Variants in MCC observed in about 807,000 individuals in gnomAD.
The protein encoded by MCC is MCC regulator of Wnt signaling pathway, also known as colorectal mutant cancer protein.
MCC carries 90 observed loss-of-function variants against 116.2 expected under a neutral mutation model. That is an observed-to-expected ratio of 0.77 (90% CI 0.65 to 0.92). MCC has a LOEUF of 0.92. Among genes scored for constraint, MCC ranks in the 40% least tolerant of loss-of-function variants. The pLI, the probability that MCC is intolerant of heterozygous loss-of-function variation, is 0.00. For missense variants in MCC, 1,516 were observed against 1,312.2 expected, an observed-to-expected ratio of 1.16 and a Z score of -2.40; for synonymous variants, 578 against 510.5, an observed-to-expected ratio of 1.13 and a Z score of -1.78.
At chr5:113,117,094 C>A (rs1757440245) in intron 6 of MCC, among the ~76,000 whole-genome samples, 1 of 152,224 alleles carries the variant, frequency 6.6e-6, no homozygotes, top group Non-Finnish European at 1.5e-5. Flanking sequence ...TGAGTATTCT[C>A]CAGACAGCTT....
chr5:113,178,851 A>G (rs1761467357), intron 3 of MCC, among the ~76,000 whole-genome samples: 1 of 152,184 alleles, frequency 6.6e-6, no homozygotes, highest in South Asian at 2.1e-4. Context: ...TCTTCCTGCA[A>G]ACACAGAGCT....
chr5:113,089,294 C>G lies in MCC; in HGVS notation c.1399-3984G>C, dbSNP rs577887246. ...CTAGAACTCAATCTTGAAGGCTGAA[C>G]TGTTCAACAAGCAAATAAAGAGGAA... On this transcript the variant is annotated intron_variant, in intron 8 of 18. Coordinates refer to ENST00000408903, the MANE Select transcript of MCC (RefSeq NM_001085377.2). 2.6e-5 allele frequency among the ~76,000 whole-genome samples: 4 copies of G among 152,308 alleles called. No individual in the cohort carries two copies. In the South Asian group the frequency reaches 6.2e-4, roughly 24 times the overall value.
intron 5 of MCC, among the ~76,000 whole-genome samples, chr5:113,124,419 A>T (rs1389663407): frequency 6.6e-6 from 1 of 152,220 alleles, no homozygotes; most frequent in Non-Finnish European, 1.5e-5. Flanking sequence ...CCTTTGTTGC[A>T]TGGCCAACGT....
Position 113,477,467 on chromosome 5 carries a change from A to T in MCC, c.170+10778T>A, listed in dbSNP as rs56132396. ...TGAAATAATGATTTTCAGACATCAT[A>T]TAACAGCATAAGAATACAATCCATG... On this transcript the variant is annotated intron_variant, in intron 1 of 18. Coordinates refer to ENST00000408903, the MANE Select transcript of MCC (RefSeq NM_001085377.2). 6.2e-3 allele frequency among the ~76,000 whole-genome samples: 945 copies of T among 152,322 alleles called. 11 individuals carry two copies. Among genetic ancestry groups the T allele is most frequent in the African/African-American group, 0.022 (912 of 41,562 alleles).
At position 113,385,038 on chromosome 5, in the gene MCC, T is replaced by C; in HGVS notation, c.345A>G (p.Ser115=). The change falls in exon 2 of 19, where the codon TCA becomes TCG. Residue 115 remains serine, a synonymous_variant. Transcript: ENST00000408903. The part of the protein sequence containing the change: ...RKEEVDLSAK[S]DNSCTKKLRD... The stretch of plus-strand genomic sequence containing the variant: ...TCAGCTTCTTTGTACAGGAGTTGTC[T>C]GACTTTGCAGAAAGATCTACTTCCT... 1 of 1,614,254 alleles carries C rather than the reference T, an allele frequency of 6.2e-7. No homozygotes were observed. Among genetic ancestry groups the C allele is most frequent in the African/African-American group, 1.3e-5 (1 of 75,082 alleles).
At chr5:113,082,377 T>A (rs374275717) in intron 11 of MCC, among the ~76,000 whole-genome samples, 16 of 152,354 alleles carry the variant, frequency 1.1e-4, no homozygotes, top group Admixed American at 7.8e-4. Flanking sequence ...TTGCCTGTGC[T>A]GTTTCCAGTA....
intron 6 of MCC, among the ~76,000 whole-genome samples, chr5:113,111,905 C>T (rs1757121197): frequency 6.6e-6 from 1 of 152,214 alleles, no homozygotes; most frequent in Non-Finnish European, 1.5e-5. Flanking sequence ...TCAGGATCAG[C>T]TATGCCTATG....
intron 3 of MCC, among the ~76,000 whole-genome samples, chr5:113,263,086 A>C (rs1166048882): frequency 6.6e-6 from 1 of 152,128 alleles, no homozygotes; most frequent in Non-Finnish European, 1.5e-5. Context: ...ATAAGAAACC[A>C]AAAGTCCTCA....
At chr5:113,200,707 T>C (rs151295233) in intron 3 of MCC, among the ~76,000 whole-genome samples, 4 of 152,134 alleles carry the variant, frequency 2.6e-5, no homozygotes, top group African/African-American at 9.7e-5. Flanking sequence ...GCCAACCTTA[T>C]AAGCAAAAGG....
chr5:113,476,974 T>A (rs1289875465), intron 1 of MCC, among the ~76,000 whole-genome samples: 1 of 152,242 alleles, frequency 6.6e-6, no homozygotes, highest in African/African-American at 2.4e-5. Flanking sequence ...GTAGTGGTCA[T>A]GACCTTCATT....
At chr5:113,282,722 G>A (rs985871125) in intron 3 of MCC, among the ~76,000 whole-genome samples, 1 of 151,992 alleles carries the variant, frequency 6.6e-6, no homozygotes, top group African/African-American at 2.4e-5. Context: ...CCCATATGGC[G>A]CTTACTCTTA....
intron 3 of MCC, chr5:113,294,960 A>G: frequency 1.0e-6 from 1 of 985,542 alleles, no homozygotes; most frequent in African/African-American, 1.7e-5. Context: ...GATTGAACAC[A>G]GCTGTCTAGC....
At chr5:113,076,853 C>T (rs1005838860) in intron 11 of MCC, among the ~76,000 whole-genome samples, 1 of 152,170 alleles carries the variant, frequency 6.6e-6, no homozygotes, top group Non-Finnish European at 1.5e-5. Flanking sequence ...TTAAAAGACA[C>T]AGACTGGCAA....
At position 113,372,322 on chromosome 5, in the gene MCC, C is replaced by T. The variant is rs1415625095; in HGVS notation, c.415+12646G>A. The stretch of plus-strand genomic sequence containing the variant: ...GAAACACACAGACAAAAGACAAAAT[C>T]AGCAAGTAAGACTGAACCAGTTTGT... On this transcript the variant is annotated intron_variant, in intron 2 of 18. Coordinates refer to ENST00000408903, the MANE Select transcript of MCC (RefSeq NM_001085377.2). Among the ~76,000 whole-genome samples the T allele has an allele frequency of 2.0e-5, 3 of 152,284 alleles. 1 individual carries two copies. In the South Asian group the frequency reaches 6.2e-4, roughly 32 times the overall value.
intron 1 of MCC, among the ~76,000 whole-genome samples, chr5:113,424,132 TACACACACACACACACACACACACACAC>T (rs547192248): frequency 8.9e-6 from 1 of 112,660 alleles, no homozygotes; most frequent in Non-Finnish European, 1.8e-5. Context: ...AGTCATCCTC[TACACACACACACACACACACACACACAC>T]ACACACACAC....
chr5:113,208,211 A>G (rs1762987747), intron 3 of MCC, among the ~76,000 whole-genome samples: 1 of 152,162 alleles, frequency 6.6e-6, no homozygotes, highest in Non-Finnish European at 1.5e-5. Context: ...ATGTATCTTC[A>G]ATACCTAACA....
chr5:113,164,379 A>C (rs1760662772), intron 3 of MCC, among the ~76,000 whole-genome samples: 1 of 152,206 alleles, frequency 6.6e-6, no homozygotes, highest in Admixed American at 6.5e-5. Flanking sequence ...GGATAAAATT[A>C]GCTCTCTTTT....
chr5:113,222,370 GTACTT>G (rs1352335220), intron 3 of MCC, among the ~76,000 whole-genome samples: 2 of 152,034 alleles, frequency 1.3e-5, no homozygotes, highest in African/African-American at 4.8e-5. Context: ...GTATTGCTCT[GTACTT>G]TTCTTTCATT....
chr5:113,403,080 C>G (rs1769737492), intron 1 of MCC, among the ~76,000 whole-genome samples: 2 of 152,056 alleles, frequency 1.3e-5, no homozygotes, highest in African/African-American at 4.8e-5. Flanking sequence ...TACCTTGCTG[C>G]AGATTGGCAA....
Sources: allele counts gnomAD v4.1 joint callset (sites outside exome capture counted in the v4.1 genomes callset), GRCh38; gene constraint gnomAD v4.1.1; transcripts MANE v1.5; gene names NCBI Gene and HGNC (gene_info 2026-07-23, HGNC 2026-07-21).